Variants in SLCO4A1 observed in about 807,000 individuals in gnomAD.
The protein encoded by SLCO4A1 is solute carrier organic anion transporter family member 4A1, also known as colon organic anion transporter.
SLCO4A1 carries 51 observed loss-of-function variants against 64.6 expected under a neutral mutation model. The ratio of observed to expected loss-of-function variants is 0.79; its 90% CI spans 0.63 to 1.00. The LOEUF (loss-of-function observed/expected upper bound fraction) is 1.00. Among genes scored for constraint, SLCO4A1 ranks in the 50% least tolerant of loss-of-function variants. The pLI is 0.00. For synonymous variants in SLCO4A1, 471 were observed against 444.9 expected, an observed-to-expected ratio of 1.06 and a Z score of -0.74; for missense variants, 919 against 980.5, an observed-to-expected ratio of 0.94 and a Z score of 0.84.
chr20:62,673,334 G>A (rs767576742), downstream of SLCO4A1, among the ~76,000 whole-genome samples: 1 of 143,238 alleles, frequency 7.0e-6, no homozygotes, highest in Non-Finnish European at 1.6e-5. Context: ...TGGGGAGGAC[G>A]AGGAACCTCA....
At chr20:62,651,954 T>G (rs1601616383) in intron 1 of SLCO4A1, 2 of 152,210 alleles carry the variant, frequency 1.3e-5, no homozygotes, top group Admixed American at 1.3e-4. Context: ...TGCCCACCAT[T>G]GAGCATCCCA....
At chr20:62,674,640 G>A (rs1417519323), downstream of SLCO4A1, among the ~76,000 whole-genome samples, 1 of 152,210 alleles carries the variant, frequency 6.6e-6, no homozygotes, top group Non-Finnish European at 1.5e-5. Flanking sequence ...GTGACAAATG[G>A]GCAGAGGCAG....
chr20:62,660,985 G>C (rs997811178), intron 4 of SLCO4A1, 79 bp from the exon 5 acceptor site: 13 of 981,554 alleles, frequency 1.3e-5, no homozygotes, highest in South Asian at 2.9e-5. Flanking sequence ...GCAGAGGAGT[G>C]GGGGCAGAGC....
chr20:62,679,696 C>T (rs1987743387), intron 2 of SLCO4A1, among the ~76,000 whole-genome samples: 1 of 152,136 alleles, frequency 6.6e-6, no homozygotes, highest in Non-Finnish European at 1.5e-5. Context: ...AGTTTTACTG[C>T]ACAATAGCTT....
chr20:62,681,795 C>T (rs575998587), intron 2 of SLCO4A1, among the ~76,000 whole-genome samples: 3 of 152,136 alleles, frequency 2.0e-5, no homozygotes, highest in Non-Finnish European at 2.9e-5. Flanking sequence ...CATCTAGGCC[C>T]GGAGATTTCT....
chr20:62,687,394 G>A (rs1988102316), downstream of SLCO4A1, among the ~76,000 whole-genome samples: 1 of 152,270 alleles, frequency 6.6e-6, no homozygotes, highest in Non-Finnish European at 1.5e-5. Context: ...GAGGCCCGGG[G>A]AGGAGCCAGC....
chr20:62,661,216 C>A lies in SLCO4A1; in HGVS notation c.1121+41C>A, dbSNP rs1211296357. 1 of 1,379,422 alleles carries A rather than the reference C, an allele frequency of 7.2e-7. No homozygotes were observed. The highest frequency in any genetic ancestry group is 1.0e-6 in the Non-Finnish European group (1 of 967,448). The allele number at this position is 1,379,422 out of a possible 1,614,324, so 85.4% of individuals were successfully genotyped here. ...GGGAGGGTTCCTAGTGTCCTCAGAC[C>A]CTTTAATGGTCCCCATCTTGGGGGA... is the stretch of plus-strand genomic sequence containing the variant. On this transcript the variant is annotated intron_variant, in intron 5 of 11. Transcript: ENST00000217159. The surrounding 1 kb of genome is among the most constrained non-coding windows in gnomAD (Gnocchi z 5.2).
intron 1 of SLCO4A1, among the ~76,000 whole-genome samples, chr20:62,653,922 G>A (rs990766885): frequency 6.6e-6 from 1 of 151,992 alleles, no homozygotes; most frequent in Middle Eastern, 3.4e-3. Flanking sequence ...GATAGCATTA[G>A]GAGATAAACC....
chr20:62,686,111 G>C (rs1260153509), downstream of SLCO4A1, among the ~76,000 whole-genome samples: 4 of 152,202 alleles, frequency 2.6e-5, no homozygotes, highest in African/African-American at 9.7e-5. Context: ...CATCTGGGCA[G>C]GGCAATCTCT....
rs1039617480 is a variant in SLCO4A1 at position 62,657,063 on chromosome 20, G to T, written c.609G>T (p.Ala203=). Residue 203 remains alanine (A), a synonymous_variant, in exon 2 of 12, where the codon GCG becomes GCT. Transcript: ENST00000217159. ...GCCGCTATGAGGTGGAGTTGGACGC[G>T]GGTGTCAGGACGTGCCCTGCCAACC... ...TAGRYEVELD[A]GVRTCPANPG... is the part of the protein sequence containing the mutation. The T allele has an allele frequency of 3.1e-5, 50 of 1,598,794 alleles. No individual in the cohort carries two copies. Among genetic ancestry groups the T allele is most frequent in the Non-Finnish European group, 4.2e-5 (49 of 1,171,722 alleles).
chr20:62,643,321 C>G (rs1015402918), intron 1 of SLCO4A1: 2 of 291,958 alleles, frequency 6.9e-6, no homozygotes, highest in African/African-American at 4.7e-5. Flanking sequence ...GCAGGCTTAG[C>G]TGCCCTAGAC....
chr20:62,675,543 T>G (rs1720072734), downstream of SLCO4A1, among the ~76,000 whole-genome samples: 1 of 152,164 alleles, frequency 6.6e-6, no homozygotes, highest in Non-Finnish European at 1.5e-5. Context: ...CAGGGACAGT[T>G]GGGACACAGG....
At chr20:62,643,251 G>T (rs531254375) in intron 1 of SLCO4A1, 11 of 336,948 alleles carry the variant, frequency 3.3e-5, no homozygotes, top group African/African-American at 2.5e-4. Flanking sequence ...GCAGAGGGTC[G>T]GGTGCCCTCG....
In SLCO4A1 at chr20:62,656,283, T is replaced by C. The variant is rs1983695798; in HGVS notation, c.-96-76T>C. On this transcript the variant is annotated intron_variant, in intron 1 of 11. Coordinates refer to ENST00000217159, the MANE Select transcript of SLCO4A1 (RefSeq NM_016354.4). ...CTTTGAGCCACCCCCGTGATGGGTG[T>C]GCTGGAATGTTCCCTCCTGGATGTG... The C allele has an allele frequency of 4.9e-6, 3 of 608,504 alleles. No individual in the cohort carries two copies. In the South Asian group the frequency reaches 6.9e-5, roughly 14 times the overall value. 37.7% of individuals were successfully genotyped at this position (608,504 alleles called of 1,614,324 possible). A position where few individuals can be genotyped will look rare whatever the true frequency, so the allele number is the denominator to read the frequency against.
At chr20:62,656,143 C>A (rs1308576594) in intron 1 of SLCO4A1, among the ~76,000 whole-genome samples, 1 of 152,260 alleles carries the variant, frequency 6.6e-6, no homozygotes, top group Non-Finnish European at 1.5e-5. Flanking sequence ...GCAAGCTGGG[C>A]ACAGCCCCCC....
At chr20:62,653,456 AC>A (rs1982996258) in intron 1 of SLCO4A1, among the ~76,000 whole-genome samples, 1 of 152,198 alleles carries the variant, frequency 6.6e-6, no homozygotes, top group African/African-American at 2.4e-5. Flanking sequence ...AAAAAACAAA[AC>A]AAAACAAAAA....
chr20:62,653,215 C>T (rs1399028563), intron 1 of SLCO4A1, among the ~76,000 whole-genome samples: 3 of 152,198 alleles, frequency 2.0e-5, no homozygotes, highest in Non-Finnish European at 4.4e-5. Context: ...CAGAGGAGCC[C>T]TGTGGGGACC....
chr20:62,669,151 TC>T, intron 11 of SLCO4A1, 73 bp downstream of exon 11: 1 of 1,464,478 alleles, frequency 6.8e-7, no homozygotes, highest in Non-Finnish European at 9.4e-7. Context: ...GCCGCGATCT[TC>T]CAGCAGCTTG....
intron 1 of SLCO4A1, among the ~76,000 whole-genome samples, chr20:62,655,160 A>G (rs1983412121): frequency 6.6e-6 from 1 of 152,228 alleles, no homozygotes; most frequent in Non-Finnish European, 1.5e-5. Context: ...CCCAGATGGC[A>G]AGCACCTTGA....
Sources: allele counts gnomAD v4.1 joint callset (sites outside exome capture counted in the v4.1 genomes callset), GRCh38; gene constraint gnomAD v4.1.1; non-coding constraint Gnocchi (gnomAD v3.1); transcripts MANE v1.5; gene names NCBI Gene and HGNC (gene_info 2026-07-23, HGNC 2026-07-21).